BRIP1: variants seen among roughly 807,000 people sequenced by gnomAD.
BRIP1 encodes Fanconi anemia group J protein.
A neutral mutation model predicts 119.7 loss-of-function variants in BRIP1; 88 were observed. The observed-to-expected ratio is 0.74, with a 90% CI of 0.62 to 0.88. The LOEUF is 0.88. Ranked by LOEUF, BRIP1 falls within the 40% of genes least tolerant of loss-of-function variation. The probability of loss-of-function intolerance (pLI) is 0.00; values close to 1 mark genes in which losing one functional copy is unlikely to be tolerated. For missense variants in BRIP1, 1,259 were observed against 1,455.4 expected (o/e 0.87, Z 2.20); for synonymous variants, 443 against 496.5 (o/e 0.89, Z 1.43).
At chr17:61,797,823 A>G (rs917591926) in intron 9 of BRIP1, among the ~76,000 whole-genome samples, 1 of 152,030 alleles carries the variant, frequency 6.6e-6, no homozygotes, top group African/African-American at 2.4e-5. Flanking sequence ...GCCTTTAAAG[A>G]TGCTTAATTT....
chr17:61,802,333 A>C lies in BRIP1; in HGVS notation c.919-859T>G, dbSNP rs986005956. ...AAATTTTCTAGGATTGGTGGCGTAC[A>C]TCAATGGTCCTAGCTACTCAGGAAG... is the stretch of plus-strand genomic sequence containing the variant. On this transcript the variant is annotated intron_variant, in intron 7 of 19. Coordinates refer to ENST00000259008, the MANE Select transcript of BRIP1 (RefSeq NM_032043.3). This position sits in a 1 kb window ranked among gnomAD's most constrained non-coding sequence, Gnocchi z 6.0. 2.0e-5 allele frequency among the ~76,000 whole-genome samples: 3 copies of C among 152,104 alleles called. No individual in the cohort carries two copies. Among genetic ancestry groups the C allele is most frequent in the Non-Finnish European group, 4.4e-5 (3 of 67,990 alleles).
At position 61,747,469 on chromosome 17, in the gene BRIP1, C is replaced by T. The variant is rs186005965; in HGVS notation, c.2098-2878G>A. Reference sequence around the variant, plus strand: ...ATGAAAGAAGACACACTGATGCCACCGATACAATAAAAGACTACTCTGAAA... The same window carrying T: ...ATGAAAGAAGACACACTGATGCCACTGATACAATAAAAGACTACTCTGAAA... On this transcript the variant is annotated intron_variant, in intron 14 of 19. Coordinates refer to ENST00000259008, the MANE Select transcript of BRIP1 (RefSeq NM_032043.3). Among the ~76,000 whole-genome samples the T allele has an allele frequency of 1.2e-3, 183 of 150,028 alleles. 1 individual carries two copies. Among genetic ancestry groups the T allele is most frequent in the African/African-American group, 4.0e-3 (165 of 41,012 alleles).
Position 61,768,468 on chromosome 17 carries a change from G to A in BRIP1, c.2097+7933C>T, listed in dbSNP as rs182404799. 1.5e-3 allele frequency among the ~76,000 whole-genome samples: 234 copies of A among 152,278 alleles called. 3 individuals are homozygous for A. The highest frequency in any genetic ancestry group is 5.5e-3 in the African/African-American group (229 of 41,554). ...GAAAGACTTGGAACAATAAGAGTTA[G>A]TCTCCATCCATTCGTGTGTTTATTC... is the stretch of plus-strand genomic sequence containing the variant. On this transcript the variant is annotated intron_variant, in intron 14 of 19. Transcript: ENST00000259008. The surrounding 1 kb of genome is among the most constrained non-coding windows in gnomAD (Gnocchi z 5.0).
At position 61,687,829 on chromosome 17, in the gene BRIP1, C is replaced by T. The variant is rs2061383514; in HGVS notation, c.2576-1664G>A. On this transcript the variant is annotated intron_variant, in intron 18 of 19. Transcript: ENST00000259008. This position sits in a 1 kb window ranked among gnomAD's most constrained non-coding sequence, Gnocchi z 5.1. Reference sequence around the variant, plus strand: ...CACTTCAGAATATACCTGGCTGCTTCTTCCTGGGGAGAAAAGAGAAAACTG... The same window carrying T: ...CACTTCAGAATATACCTGGCTGCTTTTTCCTGGGGAGAAAAGAGAAAACTG... 1.3e-5 allele frequency among the ~76,000 whole-genome samples: 2 copies of T among 152,172 alleles called. No individual in the cohort carries two copies. The highest frequency in any genetic ancestry group is 4.8e-5 in the African/African-American group (2 of 41,452).
Position 61,723,803 on chromosome 17 carries a change from A to G in BRIP1, c.2380-7740T>C, listed in dbSNP as rs560974338. On this transcript the variant is annotated intron_variant, in intron 16 of 19. Transcript: ENST00000259008. ...GTAATTTTGGAGGGGTGTGAAGAGC[A>G]GGAAAAAGACAAACTATTTTATTAA... is the stretch of plus-strand genomic sequence containing the variant. 6.6e-5 allele frequency among the ~76,000 whole-genome samples: 10 copies of G among 152,332 alleles called. No individual in the cohort carries two copies. In the East Asian group the frequency reaches 1.9e-3, roughly 29 times the overall value.
chr17:61,722,091 G>T lies in BRIP1; in HGVS notation c.2380-6028C>A, dbSNP rs2144484301. Reference sequence around the variant, plus strand: ...GAGTCTTGCTCAATCACCCAGGCTGGAGTACGGTGGCATGATCTCGGCTCA... The same window carrying T: ...GAGTCTTGCTCAATCACCCAGGCTGTAGTACGGTGGCATGATCTCGGCTCA... On this transcript the variant is annotated intron_variant, in intron 16 of 19. Coordinates refer to ENST00000259008, the MANE Select transcript of BRIP1 (RefSeq NM_032043.3). The surrounding 1 kb of genome is among the most constrained non-coding windows in gnomAD (Gnocchi z 4.6). 6.7e-6 allele frequency among the ~76,000 whole-genome samples: 1 copy of T among 149,228 alleles called. No individual in the cohort carries two copies. Among genetic ancestry groups the T allele is most frequent in the South Asian group, 2.1e-4 (1 of 4,670 alleles).
chr17:61,813,301 C>T (rs1386245330), intron 6 of BRIP1, among the ~76,000 whole-genome samples: 7 of 151,928 alleles, frequency 4.6e-5, no homozygotes, highest in Non-Finnish European at 8.8e-5. Flanking sequence ...TAACTTTCCA[C>T]ATGTGCATGT....
chr17:61,794,555 G>A lies in BRIP1; in HGVS notation c.1341-826C>T, dbSNP rs1443587856. ...TCGGATGGTGTAGCGTTGGAGACGG[G>A]AAAAGATCAGGAAAAATAACTAATG... On this transcript the variant is annotated intron_variant, in intron 9 of 19. Transcript: ENST00000259008. This position sits in a 1 kb window ranked among gnomAD's most constrained non-coding sequence, Gnocchi z 4.3. Among the ~76,000 whole-genome samples the A allele has an allele frequency of 5.3e-5, 8 of 151,852 alleles. No individual in the cohort carries two copies. Among genetic ancestry groups the A allele is most frequent in the Non-Finnish European group, 1.0e-4 (7 of 67,958 alleles).
At chr17:61,714,674 C>A (rs2061830516) in intron 17 of BRIP1, among the ~76,000 whole-genome samples, 1 of 151,922 alleles carries the variant, frequency 6.6e-6, no homozygotes, top group African/African-American at 2.4e-5. Flanking sequence ...ATGAGTCTCA[C>A]AAAGCACAAA....
chr17:61,819,897 A>G (rs2078295329), intron 6 of BRIP1, among the ~76,000 whole-genome samples: 1 of 152,180 alleles, frequency 6.6e-6, no homozygotes, highest in Non-Finnish European at 1.5e-5. Flanking sequence ...GATTATTTGT[A>G]ACACAAAGGA....
At position 61,794,376 on chromosome 17, in the gene BRIP1, G is replaced by T. The variant is rs556804810; in HGVS notation, c.1341-647C>A. ...ACTATATGGCCATAAAAAAGAACAA[G>T]AACATGTCCTTTACGGGAACATAGA... On this transcript the variant is annotated intron_variant, in intron 9 of 19. Transcript: ENST00000259008. The surrounding 1 kb of genome is among the most constrained non-coding windows in gnomAD (Gnocchi z 4.3). Among the ~76,000 whole-genome samples, 1 of 152,102 alleles carries T rather than the reference G, an allele frequency of 6.6e-6. No individual in the cohort carries two copies. Among genetic ancestry groups the T allele is most frequent in the African/African-American group, 2.4e-5 (1 of 41,508 alleles).
rs1055240809 is a variant in BRIP1 at position 61,852,907 on chromosome 17, C to T, written c.380-3651G>A. Among the ~76,000 whole-genome samples, 2 of 151,956 alleles carry T rather than the reference C, an allele frequency of 1.3e-5. No homozygotes were observed. The highest frequency in any genetic ancestry group is 2.9e-5 in the Non-Finnish European group (2 of 67,988). On this transcript the variant is annotated intron_variant, in intron 4 of 19. Transcript: ENST00000259008. The surrounding 1 kb of genome is among the most constrained non-coding windows in gnomAD (Gnocchi z 4.9). ...GGGGTTGGAGGGATCTGACCGGGGA[C>T]GCATAAATTGATTCAACCACTTTAG...
Position 61,722,984 on chromosome 17 carries a change from A to G in BRIP1, c.2380-6921T>C, listed in dbSNP as rs1319158235. Among the ~76,000 whole-genome samples the G allele has an allele frequency of 6.6e-6, 1 of 152,204 alleles. No individual in the cohort carries two copies. Among genetic ancestry groups the G allele is most frequent in the Non-Finnish European group, 1.5e-5 (1 of 68,030 alleles). On this transcript the variant is annotated intron_variant, in intron 16 of 19. Coordinates refer to ENST00000259008, the MANE Select transcript of BRIP1 (RefSeq NM_032043.3). This position sits in a 1 kb window ranked among gnomAD's most constrained non-coding sequence, Gnocchi z 4.6. ...AACAAAACCCTGAAATGAACTGTATATAAAGGTTAACTTTGAAATAGTTCT... is the reference window on the plus strand; with the variant it reads ...AACAAAACCCTGAAATGAACTGTATGTAAAGGTTAACTTTGAAATAGTTCT...
rs554791910 is a variant in BRIP1 at position 61,778,175 on chromosome 17, A to T, written c.1936-1613T>A. ...AACATAGATGATGAACTTTGAAGACATTATCTGCAACATGGACAAACCTTG... is the reference window on the plus strand; with the variant it reads ...AACATAGATGATGAACTTTGAAGACTTTATCTGCAACATGGACAAACCTTG... On this transcript the variant is annotated intron_variant, in intron 13 of 19. Transcript: ENST00000259008. The surrounding 1 kb of genome is among the most constrained non-coding windows in gnomAD (Gnocchi z 4.4). 4.6e-5 allele frequency among the ~76,000 whole-genome samples: 7 copies of T among 152,338 alleles called. No individual in the cohort carries two copies. Among genetic ancestry groups the T allele is most frequent in the African/African-American group, 1.7e-4 (7 of 41,592 alleles).
Position 61,708,355 on chromosome 17 carries a change from C to T in BRIP1, c.2492+7596G>A, listed in dbSNP as rs779295706. ...TTAATCATCCCTTTGTCCACCATGTCCATGCTGTATACTCTTTTTGCCCAT... is the reference window on the plus strand; with the variant it reads ...TTAATCATCCCTTTGTCCACCATGTTCATGCTGTATACTCTTTTTGCCCAT... On this transcript the variant is annotated intron_variant, in intron 17 of 19. Coordinates refer to ENST00000259008, the MANE Select transcript of BRIP1 (RefSeq NM_032043.3). This position sits in a 1 kb window ranked among gnomAD's most constrained non-coding sequence, Gnocchi z 4.4. Among the ~76,000 whole-genome samples the T allele has an allele frequency of 2.6e-5, 4 of 152,178 alleles. No homozygotes were observed. The highest frequency in any genetic ancestry group is 6.5e-5 in the Admixed American group (1 of 15,278).
Position 61,742,102 on chromosome 17 carries a change from C to T in BRIP1, c.2379+911G>A, listed in dbSNP as rs1371084165. 6.6e-6 allele frequency among the ~76,000 whole-genome samples: 1 copy of T among 152,248 alleles called. No homozygotes were observed. Among genetic ancestry groups the T allele is most frequent in the Non-Finnish European group, 1.5e-5 (1 of 68,046 alleles). On this transcript the variant is annotated intron_variant, in intron 16 of 19. Transcript: ENST00000259008. This position sits in a 1 kb window ranked among gnomAD's most constrained non-coding sequence, Gnocchi z 4.7. The stretch of plus-strand genomic sequence containing the variant: ...TCTCCATCAGCACCTGCTGCATTAA[C>T]TTGCACTTTTAAGTTATGGAGATAG...
rs2061601156 is a variant in BRIP1, at chr17:61,700,717, T to C, written c.2493-7205A>G. 1.3e-5 allele frequency among the ~76,000 whole-genome samples: 2 copies of C among 152,198 alleles called. No individual in the cohort carries two copies. Among genetic ancestry groups the C allele is most frequent in the South Asian group, 4.1e-4 (2 of 4,828 alleles). ...ATCAAATTCGGAACGTTTTCAGCCA[T>C]AATTTCTTTAAATATTCTTTCTATT... On this transcript the variant is annotated intron_variant, in intron 17 of 19. Coordinates refer to ENST00000259008, the MANE Select transcript of BRIP1 (RefSeq NM_032043.3). The surrounding 1 kb of genome is among the most constrained non-coding windows in gnomAD (Gnocchi z 4.1).
Position 61,842,629 on chromosome 17 carries a change from T to C in BRIP1, c.627+4472A>G, listed in dbSNP as rs1567863249. Among the ~76,000 whole-genome samples the C allele has an allele frequency of 6.6e-6, 1 of 152,124 alleles. No homozygotes were observed. The highest frequency in any genetic ancestry group is 1.5e-5 in the Non-Finnish European group (1 of 68,038). On this transcript the variant is annotated intron_variant, in intron 6 of 19. Transcript: ENST00000259008. This position sits in a 1 kb window ranked among gnomAD's most constrained non-coding sequence, Gnocchi z 5.1. ...AAAGATCAGAACTACAAATATGTAATATTATTAGTCGGTATTATATAGAAT... is the reference window on the plus strand; with the variant it reads ...AAAGATCAGAACTACAAATATGTAACATTATTAGTCGGTATTATATAGAAT...
intron 18 of BRIP1, among the ~76,000 whole-genome samples, chr17:61,688,027 G>C (rs962455052): frequency 1.3e-5 from 2 of 152,180 alleles, no homozygotes; most frequent in African/African-American, 4.8e-5. Flanking sequence ...GGCCCATATA[G>C]TTTGATGGCC....
Sources: gnomAD v4.1 joint callset for allele counts (sites outside exome capture counted in the v4.1 genomes callset) on GRCh38, gnomAD v4.1.1 for gene constraint, Gnocchi (gnomAD v3.1) non-coding constraint, MANE v1.5 for transcripts, NCBI Gene and HGNC (gene_info 2026-07-23, HGNC 2026-07-21) for gene names.